Variants in RIMS4 observed in about 807,000 individuals in gnomAD.
The protein encoded by RIMS4 is regulating synaptic membrane exocytosis 4.
Under a neutral mutation model 29.0 loss-of-function variants are expected in RIMS4, and 9 were observed. The observed-to-expected ratio is 0.31, with a 90% CI of 0.19 to 0.54. The LOEUF (loss-of-function observed/expected upper bound fraction) is 0.54. RIMS4 is among the 20% of genes least tolerant of loss of function. The probability of loss-of-function intolerance (pLI) is 0.94; values close to 1 mark genes in which losing one functional copy is unlikely to be tolerated. For synonymous variants in RIMS4, 130 were observed against 152.9 expected (o/e 0.85, Z 1.10); for missense variants, 193 against 365.7 (o/e 0.53, Z 3.85).
intron 2 of RIMS4, among the ~76,000 whole-genome samples, chr20:44,768,161 T>C (rs1264631759): frequency 6.6e-6 from 1 of 152,220 alleles, no homozygotes; most frequent in East Asian, 1.9e-4. Flanking sequence ...TCTATACCTG[T>C]CCTTTGCAGC....
At position 44,798,012 on chromosome 20, in the gene RIMS4, C is replaced by T. The variant is rs117617273; in HGVS notation, c.97+12163G>A. Among the ~76,000 whole-genome samples, 59 of 152,330 alleles carry T rather than the reference C, an allele frequency of 3.9e-4. No homozygotes were observed. The South Asian group carries it at 6.8e-3, about 18-fold the overall frequency. On this transcript the variant is annotated intron_variant, in intron 1 of 5. Transcript: ENST00000372851. ...TATGACAAATCCAGGGCTCATCCCA[C>T]GACAAATCAACTACCCCTTCTGCTT...
At chr20:44,779,980 A>G (rs2066176737) in intron 1 of RIMS4, among the ~76,000 whole-genome samples, 1 of 152,188 alleles carries the variant, frequency 6.6e-6, no homozygotes, top group Admixed American at 6.5e-5. Flanking sequence ...ATATTCCCCA[A>G]ATGTAATCTT....
chr20:44,791,330 G>A (rs148442612), intron 1 of RIMS4, among the ~76,000 whole-genome samples: 196 of 152,288 alleles, frequency 1.3e-3, no homozygotes, highest in Admixed American at 1.6e-3. Context: ...TAGCATATAC[G>A]GTGTTATGAG....
chr20:44,764,199 C>T (rs2066102249), intron 2 of RIMS4, among the ~76,000 whole-genome samples: 2 of 62,160 alleles, frequency 3.2e-5, no homozygotes, highest in Admixed American at 1.5e-4. Context: ...TTTATCCATC[C>T]ATCCATCCAT....
chr20:44,800,333 G>C (rs892529899), intron 1 of RIMS4, among the ~76,000 whole-genome samples: 1 of 152,068 alleles, frequency 6.6e-6, no homozygotes, highest in African/African-American at 2.4e-5. Flanking sequence ...CTCTGGTGCT[G>C]TTCGGCTTTT....
intron 1 of RIMS4, among the ~76,000 whole-genome samples, chr20:44,783,650 AAAC>A (rs1273143916): frequency 2.6e-5 from 4 of 152,144 alleles, no homozygotes; most frequent in African/African-American, 7.2e-5. Flanking sequence ...AACAAAAAAA[AAAC>A]AACAAAGCAT....
In RIMS4 at chr20:44,756,148, C is replaced by T. The variant is rs149990126; in HGVS notation, c.796G>A (p.Gly266Arg). Residue 266 changes from glycine (G) to arginine (R), a missense_variant, in exon 6 of 6, where the codon GGA becomes AGA. Coordinates refer to ENST00000372851, the MANE Select transcript of RIMS4 (RefSeq NM_182970.4). This position sits in a 1 kb window ranked among gnomAD's most constrained non-coding sequence, Gnocchi z 5.9. ...CCATTCCAGCACTAAGATCGTTCTC[C>T]GCAGGGCCCCACGGTGCTCTCGAGG... ...LSLESTVGPC[G>R]ERS 73 of 1,607,948 alleles carry T rather than the reference C, an allele frequency of 4.5e-5. No individual in the cohort carries two copies. Among genetic ancestry groups the T allele is most frequent in the Non-Finnish European group, 5.5e-5 (65 of 1,176,848 alleles).
At position 44,756,357 on chromosome 20, in the gene RIMS4, G is replaced by C; in HGVS notation, c.592-5C>G. ...GTAGTTCCCCCACACGATCACCTGTGGGGCAAGAGACACAGTGGTTCAAAT... is the reference window on the plus strand; with the variant it reads ...GTAGTTCCCCCACACGATCACCTGTCGGGCAAGAGACACAGTGGTTCAAAT... On this transcript the variant is annotated splice_polypyrimidine_tract_variant and splice_region_variant and intron_variant, in intron 5 of 5. Transcript: ENST00000372851. The surrounding 1 kb of genome is among the most constrained non-coding windows in gnomAD (Gnocchi z 5.9). 6.2e-7 allele frequency: 1 copy of C among 1,612,336 alleles called. No individual in the cohort carries two copies.
Position 44,754,940 on chromosome 20 carries a change from TC to T in RIMS4, c.*1193del, listed in dbSNP as rs2066052207. 6.6e-6 allele frequency: 1 copy of T among 152,196 alleles called. No homozygotes were observed. The highest frequency in any genetic ancestry group is 2.1e-4 in the South Asian group (1 of 4,804). The allele number at this position is 152,196 out of a possible 1,614,324, so 9.4% of individuals were successfully genotyped here. A position where few individuals can be genotyped will look rare whatever the true frequency, so the allele number is the denominator to read the frequency against. On this transcript the variant is annotated 3_prime_UTR_variant, in exon 6 of 6. Coordinates refer to ENST00000372851, the MANE Select transcript of RIMS4 (RefSeq NM_182970.4). ...CATCCTCCCTTGCATGCAAAAGGGCTCCCGCAGGCCCCAGGGAGGGCTGGGC... is the reference window on the plus strand; with the variant it reads ...CATCCTCCCTTGCATGCAAAAGGGCTCCGCAGGCCCCAGGGAGGGCTGGGC...
chr20:44,789,034 C>A (rs1045494122), intron 1 of RIMS4, among the ~76,000 whole-genome samples: 4 of 151,862 alleles, frequency 2.6e-5, no homozygotes, highest in African/African-American at 9.7e-5. Flanking sequence ...GTGTCATAAG[C>A]CTTCCAATAA....
At chr20:44,798,984 A>C (rs1601044599) in intron 1 of RIMS4, among the ~76,000 whole-genome samples, 1 of 152,242 alleles carries the variant, frequency 6.6e-6, no homozygotes, top group Non-Finnish European at 1.5e-5. Flanking sequence ...TTCTGGGGAA[A>C]GTCCAGAGAA....
chr20:44,766,651 T>A (rs975889965), intron 2 of RIMS4, among the ~76,000 whole-genome samples: 2 of 152,010 alleles, frequency 1.3e-5, no homozygotes, highest in Non-Finnish European at 2.9e-5. Flanking sequence ...TGATTATGGA[T>A]TGGGAATGGA....
intron 1 of RIMS4, among the ~76,000 whole-genome samples, chr20:44,774,744 C>T (rs1018261669): frequency 6.6e-6 from 1 of 152,192 alleles, no homozygotes; most frequent in Non-Finnish European, 1.5e-5. Context: ...CCTGGCCCTC[C>T]CCTCCTTTCT....
chr20:44,797,720 A>T (rs1444172393), intron 1 of RIMS4, among the ~76,000 whole-genome samples: 1 of 152,186 alleles, frequency 6.6e-6, no homozygotes, highest in Non-Finnish European at 1.5e-5. Context: ...GACGAGCCCT[A>T]ATTTAAAGCT....
intron 1 of RIMS4, among the ~76,000 whole-genome samples, chr20:44,802,723 G>A (rs6073549): frequency 6.6e-6 from 1 of 152,184 alleles, no homozygotes; most frequent in Non-Finnish European, 1.5e-5. Context: ...ACTTCACCCA[G>A]CTGGGGGCCT....
chr20:44,761,233 C>T (rs1289498655), intron 2 of RIMS4, among the ~76,000 whole-genome samples: 2 of 152,170 alleles, frequency 1.3e-5, no homozygotes, highest in African/African-American at 4.8e-5. Flanking sequence ...CTCACAACAA[C>T]CCCATGAGGT....
At position 44,758,054 on chromosome 20, in the gene RIMS4, C is replaced by G. The variant is rs2066068276; in HGVS notation, c.349+18G>C. 1 of 1,557,600 alleles carries G rather than the reference C, an allele frequency of 6.4e-7. No individual in the cohort carries two copies. The highest frequency in any genetic ancestry group is 8.8e-7 in the Non-Finnish European group (1 of 1,142,338). On this transcript the variant is annotated intron_variant, in intron 3 of 5. Coordinates refer to ENST00000372851, the MANE Select transcript of RIMS4 (RefSeq NM_182970.4). ...CCAACTCCCCTAGTCCATTTGAAACCAGCCTTGGGGCACTCACCCATGGGT... is the reference window on the plus strand; with the variant it reads ...CCAACTCCCCTAGTCCATTTGAAACGAGCCTTGGGGCACTCACCCATGGGT...
chr20:44,762,240 G>A (rs2066088704), intron 2 of RIMS4, among the ~76,000 whole-genome samples: 1 of 152,200 alleles, frequency 6.6e-6, no homozygotes, highest in South Asian at 2.1e-4. Flanking sequence ...CCGCTCACCT[G>A]CTCTGCAGCC....
intron 1 of RIMS4, among the ~76,000 whole-genome samples, chr20:44,801,004 T>C (rs1445796068): frequency 6.6e-6 from 1 of 152,218 alleles, no homozygotes; most frequent in Non-Finnish European, 1.5e-5. Flanking sequence ...GCAGCTTCCA[T>C]AGCTTGGATG....
Sources: gnomAD v4.1 joint callset for allele counts (sites outside exome capture counted in the v4.1 genomes callset) on GRCh38, gnomAD v4.1.1 for gene constraint, Gnocchi (gnomAD v3.1) non-coding constraint, MANE v1.5 for transcripts, NCBI Gene and HGNC (gene_info 2026-07-23, HGNC 2026-07-21) for gene names.